Variants in MDM2 observed in about 807,000 individuals in gnomAD.
MDM2 encodes the protein MDM2 proto-oncogene.
A neutral mutation model predicts 64.3 loss-of-function variants in MDM2; 11 were observed. That is an observed-to-expected ratio of 0.17 (90% CI 0.11 to 0.28). The LOEUF is 0.28. MDM2 is among the 10% of genes least tolerant of loss of function. The pLI is 1.00. For synonymous variants in MDM2, 194 were observed against 192.9 expected (o/e 1.01, Z -0.05); for missense variants, 388 against 577.1 (o/e 0.67, Z 3.36).
chr12:68,816,239 A>G (rs1881359342), intron 3 of MDM2, among the ~76,000 whole-genome samples: 1 of 152,206 alleles, frequency 6.6e-6, no homozygotes, highest in East Asian at 1.9e-4. Flanking sequence ...GTTAGTATCT[A>G]AGTATCTGGG....
chr12:68,826,540 T>C lies in MDM2; in HGVS notation c.523+1889T>C, dbSNP rs917432426. On this transcript the variant is annotated intron_variant, in intron 7 of 10. Coordinates refer to ENST00000258149, the MANE Select transcript of MDM2 (RefSeq NM_002392.6). ...GGCAGGCGCCTGTAATCCCAGCTACTTGGGAGGCTGAGGCAGGAGAATCGC... is the reference window on the plus strand; with the variant it reads ...GGCAGGCGCCTGTAATCCCAGCTACCTGGGAGGCTGAGGCAGGAGAATCGC... 3.3e-5 allele frequency among the ~76,000 whole-genome samples: 5 copies of C among 150,902 alleles called. No homozygotes were observed. The South Asian group carries it at 8.3e-4, about 25-fold the overall frequency.
intron 1 of MDM2, 142 bp downstream of exon 1, chr12:68,808,633 G>A: frequency 1.6e-6 from 2 of 1,276,992 alleles, no homozygotes; most frequent in South Asian, 1.4e-5. Flanking sequence ...CGGGGCATGG[G>A]GCACGTGGCT....
chr12:68,823,306 A>G (rs954121581), intron 5 of MDM2, among the ~76,000 whole-genome samples: 8 of 152,196 alleles, frequency 5.3e-5, no homozygotes, highest in Non-Finnish European at 8.8e-5. Flanking sequence ...CCAACTCTGA[A>G]ACTTTGACTT....
chr12:68,828,741 G>A (rs375488359), intron 7 of MDM2, 30 bp from the exon 8 acceptor site: 5 of 1,608,768 alleles, frequency 3.1e-6, no homozygotes, highest in African/African-American at 1.3e-5. Context: ...TCACAGTACA[G>A]CAATTTATTT....
chr12:68,814,537 G>A, intron 3 of MDM2: 2 of 333,070 alleles, frequency 6.0e-6, no homozygotes, highest in Non-Finnish European at 5.9e-6. Flanking sequence ...TTAGAAGTTT[G>A]TGAAAATAAG....
intron 5 of MDM2, 113 bp from the exon 6 acceptor site, chr12:68,824,250 T>A (rs1355728754): frequency 1.5e-6 from 1 of 659,292 alleles, no homozygotes; most frequent in East Asian, 2.8e-5. Context: ...TAATGTTTAT[T>A]GAAAGGTTAA....
intron 3 of MDM2, among the ~76,000 whole-genome samples, chr12:68,814,281 T>C (rs1881162810): frequency 6.6e-6 from 1 of 152,224 alleles, no homozygotes; most frequent in Admixed American, 6.5e-5. Flanking sequence ...CTTGAACTCC[T>C]AGTCTCAGGT....
intron 8 of MDM2, 118 bp from the exon 9 acceptor site, chr12:68,835,711 C>T: frequency 2.2e-6 from 2 of 927,562 alleles, no homozygotes; most frequent in Non-Finnish European, 3.1e-6. Context: ...AGCAGCAGGC[C>T]CATCCCCCAA....
At chr12:68,823,069 T>G (rs1192525290) in intron 5 of MDM2, among the ~76,000 whole-genome samples, 1 of 152,166 alleles carries the variant, frequency 6.6e-6, no homozygotes, top group Non-Finnish European at 1.5e-5. Flanking sequence ...TATTACATCT[T>G]TTTTGTAGCA....
rs1565740047 is a variant in MDM2 at position 68,826,646 on chromosome 12, CTTA to C, written c.523+1996_523+1998del. 6.1e-3 allele frequency among the ~76,000 whole-genome samples: 642 copies of C among 105,880 alleles called. 8 individuals are homozygous for C. Among genetic ancestry groups the C allele is most frequent in the East Asian group, 0.043 (166 of 3,878 alleles). 69.5% of individuals were successfully genotyped at this position (105,880 alleles called of 152,430 possible). ...CCTGGGGTACAGAGTGAGACTCCCT[CTTA>C]AAAAAAAAAAAAAAAGAAAAGAAAA... On this transcript the variant is annotated intron_variant, in intron 7 of 10. Coordinates refer to ENST00000258149, the MANE Select transcript of MDM2 (RefSeq NM_002392.6).
At position 68,828,849 on chromosome 12, in the gene MDM2, A is replaced by G. The variant is rs766801308; in HGVS notation, c.602A>G (p.Glu201Gly). 1 of 1,613,966 alleles carries G rather than the reference A, an allele frequency of 6.2e-7. No homozygotes were observed. The highest frequency in any genetic ancestry group is 1.3e-5 in the African/African-American group (1 of 74,918). Residue 201 changes from glutamate to glycine, a missense_variant, in exon 8 of 11, where the codon GAA (glutamate) becomes GGA (glycine). Glu to Gly is a moderately conservative substitution (Grantham distance 98). Transcript: ENST00000258149. ...KSDSISLSFD[E>G]SLALCVIREI... ...GATAGTATTTCCCTTTCCTTTGATG[A>G]AAGCCTGGCTCTGTGTGTAATAAGG...
Position 68,845,218 on chromosome 12 carries a change from T to G in MDM2, c.*5369T>G. 1 of 218,462 alleles carries G rather than the reference T, an allele frequency of 4.6e-6. No homozygotes were observed. The highest frequency in any genetic ancestry group is 9.2e-6 in the Non-Finnish European group (1 of 108,922). 13.5% of individuals were successfully genotyped at this position (218,462 alleles called of 1,614,324 possible). A position where few individuals can be genotyped will look rare whatever the true frequency, so the allele number is the denominator to read the frequency against. On this transcript the variant is annotated 3_prime_UTR_variant, in exon 11 of 11. Transcript: ENST00000258149. ...ATTTGATACTTATAAAAAGAAAAAG[T>G]ATTTCTTCAGCTTAAAAAATTGTTT... is the stretch of plus-strand genomic sequence containing the variant.
intron 2 of MDM2, among the ~76,000 whole-genome samples, chr12:68,810,506 G>C (rs1880784092): frequency 6.6e-6 from 1 of 151,574 alleles, no homozygotes; most frequent in South Asian, 2.1e-4. Context: ...CTGTCTCCCA[G>C]GCTGGAGTGC....
chr12:68,824,538 T>C lies in MDM2; in HGVS notation c.427-17T>C. 8.7e-6 allele frequency: 14 copies of C among 1,606,280 alleles called. No individual in the cohort carries two copies. The highest frequency in any genetic ancestry group is 1.1e-5 in the Non-Finnish European group (13 of 1,176,662). The stretch of plus-strand genomic sequence containing the variant: ...ATGTTAAGTTTGTTGTATTTTATTT[T>C]TTTCCTAAATGCTTAGGACCTTGTA... On this transcript the variant is annotated splice_polypyrimidine_tract_variant and intron_variant, in intron 6 of 10. Transcript: ENST00000258149.
intron 4 of MDM2, among the ~76,000 whole-genome samples, chr12:68,819,569 G>C (rs943195179): frequency 6.6e-6 from 1 of 152,094 alleles, no homozygotes; most frequent in African/African-American, 2.4e-5. Context: ...TTGGCTCACC[G>C]CAACCTCTGC....
In MDM2 at chr12:68,840,496, T is replaced by A. The variant is rs1420516613; in HGVS notation, c.*647T>A. On this transcript the variant is annotated 3_prime_UTR_variant, in exon 11 of 11. Transcript: ENST00000258149. ...AAGAGAAAATGTGTGAAAGATTTAG[T>A]TTTTTGTTTTTTTGTTTGTTTGTTT... The A allele has an allele frequency of 5.3e-6, 1 of 187,582 alleles. No homozygotes were observed. The highest frequency in any genetic ancestry group is 8.2e-5 in the East Asian group (1 of 12,228). The allele number at this position is 187,582 out of a possible 1,614,324, so 11.6% of individuals were successfully genotyped here. A position where few individuals can be genotyped will look rare whatever the true frequency, so the allele number is the denominator to read the frequency against.
intron 3 of MDM2, 43 bp from the exon 4 acceptor site, chr12:68,816,769 A>G (rs769190317): frequency 6.6e-7 from 1 of 1,508,508 alleles, no homozygotes; most frequent in Non-Finnish European, 9.0e-7. Context: ...TACAACTAAC[A>G]TTTAGTTTTC....
In MDM2 at chr12:68,843,778, A is replaced by G. The variant is rs1130177; in HGVS notation, c.*3929A>G. On this transcript the variant is annotated 3_prime_UTR_variant, in exon 11 of 11. Coordinates refer to ENST00000258149, the MANE Select transcript of MDM2 (RefSeq NM_002392.6). ...TACCTGTGGAGGTCCTCCAAGCATT[A>G]TTTGGAGTTGATAATACTTCAGCTA... 1 of 222,690 alleles carries G rather than the reference A, an allele frequency of 4.5e-6. No homozygotes were observed. Among genetic ancestry groups the G allele is most frequent in the Non-Finnish European group, 9.0e-6 (1 of 111,544 alleles). 13.8% of individuals were successfully genotyped at this position (222,690 alleles called of 1,614,324 possible). A position where few individuals can be genotyped will look rare whatever the true frequency, so the allele number is the denominator to read the frequency against.
chr12:68,834,337 G>A (rs746403594), intron 8 of MDM2, among the ~76,000 whole-genome samples: 39 of 152,158 alleles, frequency 2.6e-4, no homozygotes, highest in Non-Finnish European at 4.6e-4. Context: ...AGCTACTTGG[G>A]AGGCTGAGGC....
Sources: gnomAD v4.1 joint callset for allele counts (sites outside exome capture counted in the v4.1 genomes callset) on GRCh38, gnomAD v4.1.1 for gene constraint, MANE v1.5 for transcripts, NCBI Gene and HGNC (gene_info 2026-07-23, HGNC 2026-07-21) for gene names.